The following HDGFL3 variants were observed in gnomAD, a reference collection of about 807,000 sequenced individuals.
The protein encoded by HDGFL3 is HDGF like 3.
A neutral mutation model predicts 27.6 loss-of-function variants in HDGFL3; 6 were observed. The ratio of observed to expected loss-of-function variants is 0.22; its 90% CI spans 0.12 to 0.43. The LOEUF (loss-of-function observed/expected upper bound fraction) is 0.43. Among genes scored for constraint, HDGFL3 ranks in the 20% least tolerant of loss-of-function variants. The pLI, the probability that HDGFL3 is intolerant of heterozygous loss-of-function variation, is 1.00. For missense variants in HDGFL3, 207 were observed against 250.1 expected, an observed-to-expected ratio of 0.83 and a Z score of 1.16; for synonymous variants, 88 against 88.9, an observed-to-expected ratio of 0.99 and a Z score of 0.05.
At chr15:83,148,203 A>C (rs2036922804) in intron 5 of HDGFL3, among the ~76,000 whole-genome samples, 1 of 152,226 alleles carries the variant, frequency 6.6e-6, no homozygotes, top group African/African-American at 2.4e-5. Context: ...TTATCTTGTA[A>C]AGTTAAAATC....
At chr15:83,157,859 C>A in intron 3 of HDGFL3, 44 bp downstream of exon 3, 1 of 1,573,946 alleles carries the variant, frequency 6.4e-7, no homozygotes, top group Admixed American at 1.8e-5. Context: ...GCGTTAAAAC[C>A]AAAGAAATGA....
intron 5 of HDGFL3, among the ~76,000 whole-genome samples, chr15:83,150,951 T>TA (rs1042107081): frequency 2.6e-5 from 4 of 152,212 alleles, no homozygotes; most frequent in Admixed American, 1.3e-4. Context: ...CATTGTACTT[T>TA]AAAAAGACTC....
At chr15:83,162,558 G>C (rs1342735634) in intron 2 of HDGFL3, among the ~76,000 whole-genome samples, 3 of 152,116 alleles carry the variant, frequency 2.0e-5, no homozygotes, top group Non-Finnish European at 4.4e-5. Flanking sequence ...AAGCTTTCTA[G>C]CAACCTCTCT....
Position 83,139,294 on chromosome 15 carries a change from GA to G in HDGFL3, c.607-20del. On this transcript the variant is annotated intron_variant, in intron 5 of 5. Coordinates refer to ENST00000299633, the MANE Select transcript of HDGFL3 (RefSeq NM_016073.4). The stretch of plus-strand genomic sequence containing the variant: ...GTTAGGTCTGTAAAAAAAAAAAAAA[GA>G]AAGAAAACAAGCCTTTAGATGATTT... 7.9e-7 allele frequency: 1 copy of G among 1,266,268 alleles called. No homozygotes were observed. Among genetic ancestry groups the G allele is most frequent in the Non-Finnish European group, 1.1e-6 (1 of 938,174 alleles). The allele number at this position is 1,266,268 out of a possible 1,614,324, so 78.4% of individuals were successfully genotyped here.
intron 1 of HDGFL3, among the ~76,000 whole-genome samples, chr15:83,176,637 C>A (rs920406671): frequency 6.6e-6 from 1 of 152,008 alleles, no homozygotes; most frequent in Non-Finnish European, 1.5e-5. Context: ...ATTCTCAGTC[C>A]AAAACAAAGG....
At chr15:83,206,694 C>T (rs2037721377) in intron 1 of HDGFL3, among the ~76,000 whole-genome samples, 1 of 152,226 alleles carries the variant, frequency 6.6e-6, no homozygotes, top group Admixed American at 6.5e-5. Context: ...GCTGCAAGCT[C>T]TCGGCTATCA....
Position 83,157,561 on chromosome 15 carries a change from G to C in HDGFL3, c.313C>G (p.Gln105Glu), listed in dbSNP as rs762467126. 4.3e-6 allele frequency: 7 copies of C among 1,612,322 alleles called. No homozygotes were observed. In the Admixed American group the frequency reaches 1.2e-4, roughly 27 times the overall value. Residue 105 changes from glutamine to glutamate, a missense_variant, in exon 4 of 6, where the codon CAG (glutamine) becomes GAG (glutamate). Physicochemically the swap from Gln to Glu is conservative, Grantham distance 29 (BLOSUM62 2). Transcript: ENST00000299633. The part of the protein sequence containing the change: ...KFTGYQAIQQ[Q>E]SSSETEGEGG... ...TCTCCCTCAGTTTCTGAAGAGCTCTGTTGCTGAATTGCCTAAGAAATAATA... is the reference window on the plus strand; with the variant it reads ...TCTCCCTCAGTTTCTGAAGAGCTCTCTTGCTGAATTGCCTAAGAAATAATA...
downstream of HDGFL3, among the ~76,000 whole-genome samples, chr15:83,124,019 C>T (rs77662756): frequency 0.031 from 4,759 of 152,250 alleles, 107 homozygotes; most frequent in Middle Eastern, 0.051. Context: ...CACACAGATA[C>T]CACCAAAGAT....
chr15:83,127,235 A>T, downstream of HDGFL3: 24 of 816,686 alleles, frequency 2.9e-5, no homozygotes, highest in Non-Finnish European at 3.6e-5. Flanking sequence ...AAAAAAAAAG[A>T]GTCCCATATA....
intron 1 of HDGFL3, among the ~76,000 whole-genome samples, chr15:83,165,727 G>A (rs986556822): frequency 7.3e-5 from 11 of 149,830 alleles, no homozygotes; most frequent in African/African-American, 1.5e-4. Flanking sequence ...CCTGGGAGGC[G>A]GAGCTTACAG....
At chr15:83,117,723 G>C (rs2034800937) in intron 3 of HDGFL3, among the ~76,000 whole-genome samples, 1 of 152,256 alleles carries the variant, frequency 6.6e-6, no homozygotes, top group African/African-American at 2.4e-5. Flanking sequence ...CTGTGATAGA[G>C]AGGAGATGGG....
At chr15:83,192,319 A>G (rs572283731) in intron 1 of HDGFL3, 1 of 455,108 alleles carries the variant, frequency 2.2e-6, no homozygotes, top group African/African-American at 2.0e-5. Flanking sequence ...CTAAAAATAA[A>G]AAACAAAACA....
chr15:83,121,153 C>G (rs1321809116), intron 3 of HDGFL3, among the ~76,000 whole-genome samples: 1 of 152,032 alleles, frequency 6.6e-6, no homozygotes, highest in African/African-American at 2.4e-5. Context: ...TCGCTGTAAC[C>G]TCTGCCTCCC....
At chr15:83,180,932 CG>C (rs1466002130) in intron 1 of HDGFL3, 9 of 151,578 alleles carry the variant, frequency 5.9e-5, no homozygotes, top group African/African-American at 2.2e-4. Context: ...TCACCATGCC[CG>C]GCAATTTAAT....
chr15:83,151,089 TATA>T lies in HDGFL3; in HGVS notation c.606+123_606+125del, dbSNP rs2036958334. On this transcript the variant is annotated intron_variant, in intron 5 of 5. Transcript: ENST00000299633. ...TATATTAAAGGGCTGAGTGGATGCA[TATA>T]ATAGGCTGAGAATACTTCTCCATTT... 12 of 842,526 alleles carry T rather than the reference TATA, an allele frequency of 1.4e-5. No individual in the cohort carries two copies. The African/African-American group carries it at 2.1e-4, about 15-fold the overall frequency. The allele number at this position is 842,526 out of a possible 1,614,324, so 52.2% of individuals were successfully genotyped here.
intron 3 of HDGFL3, chr15:83,120,018 A>C: frequency 4.1e-6 from 1 of 241,028 alleles, no homozygotes; most frequent in Non-Finnish European, 8.3e-6. Context: ...CAGCAATCTC[A>C]TTTCGGTTCA....
At chr15:83,113,234 C>G (rs1047724570) in exon 4 of HDGFL3, 1 of 392,562 alleles carries the variant, frequency 2.5e-6, no homozygotes, top group Admixed American at 3.8e-5. Context: ...CTGCTACTAG[C>G]AGTCCCCCCC....
At chr15:83,177,224 A>C (rs930060617) in intron 1 of HDGFL3, among the ~76,000 whole-genome samples, 3 of 152,212 alleles carry the variant, frequency 2.0e-5, no homozygotes, top group African/African-American at 7.2e-5. Context: ...TTTTTATATA[A>C]GAATCAAAAT....
Position 83,207,442 on chromosome 15 carries a change from T to C in HDGFL3, c.-28A>G, listed in dbSNP as rs1289676821. The C allele has an allele frequency of 3.1e-6, 4 of 1,279,908 alleles. No individual in the cohort carries two copies. Among genetic ancestry groups the C allele is most frequent in the East Asian group, 6.1e-5 (2 of 32,828 alleles). 79.3% of individuals were successfully genotyped at this position (1,279,908 alleles called of 1,614,324 possible). A position where few individuals can be genotyped will look rare whatever the true frequency, so the allele number is the denominator to read the frequency against. ...CAGCCGCTCCCCTTCCTGGTAGTCC[T>C]TGGTCGCCGCGAAGATGCCGGGAGG... On this transcript the variant is annotated 5_prime_UTR_variant, in exon 1 of 6. Coordinates refer to ENST00000299633, the MANE Select transcript of HDGFL3 (RefSeq NM_016073.4). This position sits in a 1 kb window ranked among gnomAD's most constrained non-coding sequence, Gnocchi z 4.8.
Sources: gnomAD v4.1 joint callset for allele counts (sites outside exome capture counted in the v4.1 genomes callset) on GRCh38, gnomAD v4.1.1 for gene constraint, Gnocchi (gnomAD v3.1) non-coding constraint, MANE v1.5 for transcripts, NCBI Gene and HGNC (gene_info 2026-07-23, HGNC 2026-07-21) for gene names.